The following RPS6KC1 variants were observed in gnomAD, a reference collection of about 807,000 sequenced individuals.
RPS6KC1 encodes the protein inactive ribosomal protein S6 kinase delta-1.
RPS6KC1 carries 54 observed loss-of-function variants against 103.8 expected under a neutral mutation model. The observed-to-expected ratio is 0.52, with a 90% CI of 0.42 to 0.65. The LOEUF (loss-of-function observed/expected upper bound fraction) is 0.65. Ranked by LOEUF, RPS6KC1 falls within the 30% of genes least tolerant of loss-of-function variation. RPS6KC1 has a pLI of 0.00. For synonymous variants in RPS6KC1, 439 were observed against 438.7 expected (o/e 1.00, Z -0.01); for missense variants, 1,151 against 1,253.8 (o/e 0.92, Z 1.24).
intron 8 of RPS6KC1, among the ~76,000 whole-genome samples, chr1:213,228,849 A>G (rs979907550): frequency 1.3e-5 from 2 of 152,190 alleles, no homozygotes; most frequent in African/African-American, 4.8e-5. Context: ...CAGATTAGAG[A>G]ATACAGGGTG....
intron 6 of RPS6KC1, among the ~76,000 whole-genome samples, chr1:213,137,535 G>A (rs2086428662): frequency 6.6e-6 from 1 of 150,896 alleles, no homozygotes; most frequent in Non-Finnish European, 1.5e-5. Flanking sequence ...GTTTCTCCAT[G>A]TTGGTCAGGC....
chr1:213,069,341 G>A (rs1009650170), intron 1 of RPS6KC1, among the ~76,000 whole-genome samples: 1 of 152,112 alleles, frequency 6.6e-6, no homozygotes, highest in African/African-American at 2.4e-5. Flanking sequence ...TTCTTAGGTG[G>A]GACCTTTTAC....
chr1:213,771,155 C>T, the RPS6KC1 span, among the ~76,000 whole-genome samples: 1 of 151,060 alleles, frequency 6.6e-6, no homozygotes, highest in Non-Finnish European at 1.5e-5. Context: ...TTTTCCTCCT[C>T]TAAGTAAACC....
chr1:213,242,450 T>C, intron 11 of RPS6KC1, 119 bp from the exon 12 acceptor site: 1 of 1,085,840 alleles, frequency 9.2e-7, no homozygotes, highest in South Asian at 1.4e-5. Flanking sequence ...TTCTAGTACT[T>C]AATGATGCCA....
chr1:213,167,917 C>A lies in RPS6KC1; in HGVS notation c.895C>A (p.Arg299=), dbSNP rs761043603. ...GAGAAGAACAGCCGAGTACCTCATG[C>A]GGGCAGAAAGTATCTCTAGTCTTTA... ...VKRRTAEYLM[R]AESISSLYGK... The change falls in exon 7 of 15, where the codon CGG becomes AGG. Residue 299 remains arginine, a synonymous_variant. Coordinates refer to ENST00000366960, the MANE Select transcript of RPS6KC1 (RefSeq NM_012424.6). 6 of 1,613,548 alleles carry A rather than the reference C, an allele frequency of 3.7e-6. No homozygotes were observed. In the African/African-American group the frequency reaches 4.0e-5, roughly 11 times the overall value.
At chr1:213,265,967 T>C (rs959332148) in intron 14 of RPS6KC1, among the ~76,000 whole-genome samples, 7 of 152,242 alleles carry the variant, frequency 4.6e-5, no homozygotes, top group African/African-American at 1.7e-4. Context: ...AGCTTCTGTT[T>C]TCTCAACTAT....
chr1:213,434,896 A>T, the RPS6KC1 span, among the ~76,000 whole-genome samples: 2 of 152,098 alleles, frequency 1.3e-5, no homozygotes, highest in African/African-American at 4.8e-5. Context: ...GGCTAGTAGA[A>T]TGTTTTAAAT....
the RPS6KC1 span, among the ~76,000 whole-genome samples, chr1:213,451,231 A>G: frequency 1.4e-4 from 21 of 152,332 alleles, no homozygotes; most frequent in East Asian, 4.1e-3. Context: ...ATATAGTGTT[A>G]TTTAATGTTC....
intron 6 of RPS6KC1, among the ~76,000 whole-genome samples, chr1:213,144,894 G>A (rs1026466880): frequency 2.0e-5 from 3 of 151,972 alleles, no homozygotes; most frequent in Non-Finnish European, 4.4e-5. Flanking sequence ...GGCCAACATG[G>A]TGAAAACCCA....
At chr1:213,100,246 C>CCTA (rs1317264827) in intron 3 of RPS6KC1, among the ~76,000 whole-genome samples, 1 of 151,150 alleles carries the variant, frequency 6.6e-6, no homozygotes, top group Admixed American at 6.6e-5. Context: ...GCTTATTAGC[C>CCTA]ACTCATATAT....
At chr1:213,420,847 C>T in the RPS6KC1 span, among the ~76,000 whole-genome samples, 4 of 152,172 alleles carry the variant, frequency 2.6e-5, no homozygotes, top group Admixed American at 2.6e-4. Flanking sequence ...TCCCTCTGAA[C>T]ATGCAGGGCA....
chr1:213,249,876 G>T (rs1306146766), intron 12 of RPS6KC1, among the ~76,000 whole-genome samples: 1 of 152,214 alleles, frequency 6.6e-6, no homozygotes, highest in Non-Finnish European at 1.5e-5. Context: ...TGGCTCTGGA[G>T]TGCCGAATCA....
chr1:213,468,010 C>T, the RPS6KC1 span, among the ~76,000 whole-genome samples: 7 of 152,188 alleles, frequency 4.6e-5, no homozygotes, highest in Admixed American at 2.6e-4. Flanking sequence ...TTGTTCTCTC[C>T]TTTAAGATCT....
the RPS6KC1 span, among the ~76,000 whole-genome samples, chr1:213,411,239 C>T: frequency 1.3e-5 from 2 of 152,126 alleles, no homozygotes; most frequent in South Asian, 2.1e-4. Flanking sequence ...TGAGGAAAGT[C>T]ACATGAGGAA....
the RPS6KC1 span, among the ~76,000 whole-genome samples, chr1:213,523,874 C>G: frequency 6.6e-6 from 1 of 152,128 alleles, no homozygotes; most frequent in East Asian, 1.9e-4. Flanking sequence ...GAACTGAGAG[C>G]TGCTTCTTAG....
At chr1:213,151,711 C>G (rs1306953224) in intron 6 of RPS6KC1, among the ~76,000 whole-genome samples, 1 of 123,314 alleles carries the variant, frequency 8.1e-6, no homozygotes, top group African/African-American at 3.4e-5. Flanking sequence ...GACGGGGCGG[C>G]TGGCCGGGCG....
chr1:213,738,063 C>T, the RPS6KC1 span, among the ~76,000 whole-genome samples: 94 of 152,304 alleles, frequency 6.2e-4, no homozygotes, highest in Non-Finnish European at 2.5e-4. Context: ...AATAGGGCCT[C>T]ACTTCCCCAA....
chr1:213,093,594 C>T (rs563825322), intron 3 of RPS6KC1, among the ~76,000 whole-genome samples: 34 of 152,016 alleles, frequency 2.2e-4, no homozygotes, highest in African/African-American at 8.0e-4. Flanking sequence ...TGCATATGAT[C>T]GAGCTGATGT....
the RPS6KC1 span, among the ~76,000 whole-genome samples, chr1:213,520,531 G>T: frequency 6.6e-6 from 1 of 152,136 alleles, no homozygotes; most frequent in African/African-American, 2.4e-5. Flanking sequence ...AGGGACACAT[G>T]GGTAAGAAAG....
Sources: allele counts gnomAD v4.1 joint callset (sites outside exome capture counted in the v4.1 genomes callset), GRCh38; gene constraint gnomAD v4.1.1; transcripts MANE v1.5; gene names NCBI Gene and HGNC (gene_info 2026-07-23, HGNC 2026-07-21).